Variants in OTUD7B observed in about 807,000 individuals in gnomAD.
OTUD7B encodes the protein OTU deubiquitinase 7B, also known as OTU domain-containing protein 7B.
In OTUD7B, 34 loss-of-function variants were observed where a neutral mutation model predicts 82.2. The ratio of observed to expected loss-of-function variants is 0.41; its 90% CI spans 0.31 to 0.55. The LOEUF (loss-of-function observed/expected upper bound fraction) is 0.55, where lower values mean the gene tolerates loss of function less well. Ranked by LOEUF, OTUD7B falls within the 20% of genes least tolerant of loss-of-function variation. The pLI, the probability that OTUD7B is intolerant of heterozygous loss-of-function variation, is 0.20. For missense variants in OTUD7B, 944 were observed against 1,062.1 expected, an observed-to-expected ratio of 0.89 and a Z score of 1.55; for synonymous variants, 398 against 402.7, an observed-to-expected ratio of 0.99 and a Z score of 0.14.
intron 11 of OTUD7B, among the ~76,000 whole-genome samples, chr1:149,945,478 C>G (rs1284750070): frequency 1.3e-5 from 2 of 152,184 alleles, no homozygotes; most frequent in Non-Finnish European, 2.9e-5. Context: ...CTTTATTATA[C>G]ATTTCTCTAT....
At chr1:150,026,524 A>C in the OTUD7B span, among the ~76,000 whole-genome samples, 2 of 152,164 alleles carry the variant, frequency 1.3e-5, no homozygotes, top group African/African-American at 2.4e-5. Context: ...AGCTTGTTTC[A>C]AGCATAATAC....
chr1:150,013,522 TC>T (rs1459786020), upstream of OTUD7B, among the ~76,000 whole-genome samples: 1 of 152,124 alleles, frequency 6.6e-6, no homozygotes, highest in Non-Finnish European at 1.5e-5. Context: ...GACCATTGGT[TC>T]TGGGGAGTTT....
chr1:150,024,509 T>G, the OTUD7B span, among the ~76,000 whole-genome samples: 2 of 151,406 alleles, frequency 1.3e-5, no homozygotes, highest in Non-Finnish European at 3.0e-5. Context: ...CATGCTATTT[T>G]TAGTGTCCTT....
In OTUD7B at chr1:149,955,936, C is replaced by G. The variant is rs587675340; in HGVS notation, c.845+3748G>C. Among the ~76,000 whole-genome samples, 7 of 152,148 alleles carry G rather than the reference C, an allele frequency of 4.6e-5. No homozygotes were observed. In the South Asian group the frequency reaches 1.2e-3, roughly 27 times the overall value. On this transcript the variant is annotated intron_variant, in intron 7 of 11. Transcript: ENST00000581312. ...TTTGAGCCTATGTGTGTCTCTGCAC[C>G]TGAGATGGGTCTCCTGAATATCGCA...
intron 1 of OTUD7B, among the ~76,000 whole-genome samples, chr1:149,990,110 C>T (rs1355911081): frequency 6.6e-6 from 1 of 152,218 alleles, no homozygotes; most frequent in Non-Finnish European, 1.5e-5. Context: ...CCCAGTCTTA[C>T]CTTCAAGGCA....
the OTUD7B span, among the ~76,000 whole-genome samples, chr1:150,022,227 G>A: frequency 6.6e-6 from 1 of 151,692 alleles, no homozygotes; most frequent in South Asian, 2.1e-4. Flanking sequence ...GTGAAACCCC[G>A]TCTCTACTAA....
At chr1:150,032,229 T>A in the OTUD7B span, among the ~76,000 whole-genome samples, 5 of 151,754 alleles carry the variant, frequency 3.3e-5, no homozygotes, top group African/African-American at 1.2e-4. Flanking sequence ...GGAGAATCGC[T>A]TGAACCCGGG....
intron 3 of OTUD7B, among the ~76,000 whole-genome samples, chr1:149,968,557 A>G (rs1649678102): frequency 6.6e-6 from 1 of 152,294 alleles, no homozygotes; most frequent in East Asian, 1.9e-4. Flanking sequence ...GGCTTCAATT[A>G]TGTAATGATT....
At chr1:150,062,573 AT>A in the OTUD7B span, among the ~76,000 whole-genome samples, 1 of 152,192 alleles carries the variant, frequency 6.6e-6, no homozygotes, top group African/African-American at 2.4e-5. Flanking sequence ...TATTTTATAT[AT>A]CAGAGCAACT....
chr1:150,004,717 G>T (rs1315388672), intron 1 of OTUD7B, among the ~76,000 whole-genome samples: 1 of 151,820 alleles, frequency 6.6e-6, no homozygotes, highest in African/African-American at 2.4e-5. Flanking sequence ...TGCCACTCAG[G>T]TTAGTCTCCT....
intron 1 of OTUD7B, among the ~76,000 whole-genome samples, chr1:150,004,780 T>C (rs1553785730): frequency 6.6e-6 from 1 of 152,090 alleles, no homozygotes; most frequent in African/African-American, 2.4e-5. Context: ...TTTCGCTTGA[T>C]CCCTTTCAGC....
At position 149,959,818 on chromosome 1, in the gene OTUD7B, G is replaced by A. The variant is rs1429245504; in HGVS notation, c.733-22C>T. ...CTGACTGTGTGAAGGACAGGCAGGG[G>A]ACATTGGGCAATTAGAGGCTGGGTT... On this transcript the variant is annotated intron_variant, in intron 6 of 11. Coordinates refer to ENST00000581312, the MANE Select transcript of OTUD7B (RefSeq NM_020205.4). The A allele has an allele frequency of 6.6e-6, 10 of 1,512,536 alleles. No individual in the cohort carries two copies. In the Admixed American group the frequency reaches 6.7e-5, roughly 10 times the overall value. 93.7% of individuals were successfully genotyped at this position (1,512,536 alleles called of 1,614,324 possible). A position where few individuals can be genotyped will look rare whatever the true frequency, so the allele number is the denominator to read the frequency against.
intron 1 of OTUD7B, among the ~76,000 whole-genome samples, chr1:149,986,691 A>G (rs1055079311): frequency 2.0e-5 from 3 of 152,212 alleles, no homozygotes; most frequent in Non-Finnish European, 2.9e-5. Context: ...AAAACTTTAA[A>G]AAGTCAGAGA....
At chr1:150,054,381 T>C in the OTUD7B span, 1 of 541,002 alleles carries the variant, frequency 1.8e-6, no homozygotes, top group Non-Finnish European at 3.6e-6. Flanking sequence ...GGCTGGTTAC[T>C]TGTGACTGGA....
the OTUD7B span, among the ~76,000 whole-genome samples, chr1:150,026,856 A>G: frequency 5.4e-4 from 83 of 152,318 alleles, 1 homozygote; most frequent in South Asian, 0.015. Context: ...ATATAAACCA[A>G]TATGTCTCCG....
At chr1:150,066,397 A>C in the OTUD7B span, among the ~76,000 whole-genome samples, 1 of 149,070 alleles carries the variant, frequency 6.7e-6, no homozygotes, top group Non-Finnish European at 1.5e-5. This position sits in a 1 kb window ranked among gnomAD's most constrained non-coding sequence, Gnocchi z 4.6. Context: ...AAAATGCCTA[A>C]AGGGAAGCTT....
chr1:150,018,987 GAGTTGATGTTTCTCT>G, the OTUD7B span, among the ~76,000 whole-genome samples: 1 of 152,112 alleles, frequency 6.6e-6, no homozygotes, highest in East Asian at 1.9e-4. Flanking sequence ...ACAGTCTAGT[GAGTTGATGTTTCTCT>G]AGCCTATTCC....
At chr1:149,969,441 CT>C (rs1450799751) in intron 3 of OTUD7B, among the ~76,000 whole-genome samples, 2 of 152,132 alleles carry the variant, frequency 1.3e-5, no homozygotes, top group Admixed American at 6.5e-5. Flanking sequence ...CAGAGGCAAA[CT>C]TTTGTATCCT....
intron 1 of OTUD7B, among the ~76,000 whole-genome samples, chr1:150,005,392 AG>A: frequency 1.3e-5 from 2 of 152,350 alleles, no homozygotes; most frequent in East Asian, 3.9e-4. Flanking sequence ...TCCTAAAAAA[AG>A]CACAGTTGAA....
Sources: gnomAD v4.1 joint callset for allele counts (sites outside exome capture counted in the v4.1 genomes callset) on GRCh38, gnomAD v4.1.1 for gene constraint, Gnocchi (gnomAD v3.1) non-coding constraint, MANE v1.5 for transcripts, NCBI Gene and HGNC (gene_info 2026-07-23, HGNC 2026-07-21) for gene names.